The following CAPZB variants were observed in gnomAD, a reference collection of about 807,000 sequenced individuals.
CAPZB encodes the protein capping actin protein of muscle Z-line subunit beta.
A neutral mutation model predicts 38.1 loss-of-function variants in CAPZB; 2 were observed. The ratio of observed to expected loss-of-function variants is 0.05; its 90% CI spans 0.02 to 0.17. CAPZB has a LOEUF of 0.17. Among genes scored for constraint, CAPZB ranks in the 10% least tolerant of loss-of-function variants. The pLI, the probability that CAPZB is intolerant of heterozygous loss-of-function variation, is 1.00. For synonymous variants in CAPZB, 107 were observed against 127.4 expected (o/e 0.84, Z 1.08); for missense variants, 161 against 334.2 (o/e 0.48, Z 4.04).
intron 2 of CAPZB, among the ~76,000 whole-genome samples, chr1:19,397,154 C>A (rs894129747): frequency 6.6e-6 from 1 of 152,130 alleles, no homozygotes; most frequent in African/African-American, 2.4e-5. Context: ...TTTTTGTTCT[C>A]GTCAACATTT....
At chr1:19,394,346 G>T (rs1181649504) in intron 2 of CAPZB, among the ~76,000 whole-genome samples, 3 of 152,212 alleles carry the variant, frequency 2.0e-5, no homozygotes, top group Non-Finnish European at 4.4e-5. Context: ...GCTGTAAGTT[G>T]TAAGATGCAC....
intron 1 of CAPZB, among the ~76,000 whole-genome samples, chr1:19,460,315 C>T (rs759879125): frequency 5.9e-5 from 9 of 152,300 alleles, no homozygotes; most frequent in East Asian, 1.9e-4. Context: ...CTCGCTCTGT[C>T]GCCCAGGCTA....
intron 1 of CAPZB, among the ~76,000 whole-genome samples, chr1:19,437,231 G>T (rs1438986100): frequency 6.6e-6 from 1 of 152,182 alleles, no homozygotes; most frequent in Non-Finnish European, 1.5e-5. Flanking sequence ...CGTAAGCTAG[G>T]AAGGCCTTCC....
intron 6 of CAPZB, among the ~76,000 whole-genome samples, chr1:19,355,990 A>C (rs1229941967): frequency 6.6e-6 from 1 of 152,200 alleles, no homozygotes; most frequent in Non-Finnish European, 1.5e-5. Context: ...AGTTTGCCTT[A>C]GACAGAACCT....
chr1:19,448,496 G>A (rs945995774), intron 1 of CAPZB, among the ~76,000 whole-genome samples: 7 of 152,206 alleles, frequency 4.6e-5, no homozygotes, highest in Non-Finnish European at 5.9e-5. Context: ...TCTCTGAACC[G>A]CAGAAACAAA....
chr1:19,437,442 GTGTT>G (rs1325539678), intron 1 of CAPZB, among the ~76,000 whole-genome samples: 2 of 152,186 alleles, frequency 1.3e-5, no homozygotes, highest in Admixed American at 6.5e-5. Flanking sequence ...TCCCAAATAA[GTGTT>G]TGGGTGGGTT....
At chr1:19,410,204 T>G (rs544373234) in intron 2 of CAPZB, among the ~76,000 whole-genome samples, 24 of 152,288 alleles carry the variant, frequency 1.6e-4, no homozygotes, top group African/African-American at 5.8e-4. Context: ...TTAAATTAAA[T>G]GTACCAAAAT....
chr1:19,353,302 A>AC (rs1157079470), intron 6 of CAPZB, among the ~76,000 whole-genome samples: 1 of 152,086 alleles, frequency 6.6e-6, no homozygotes, highest in Non-Finnish European at 1.5e-5. Context: ...AGCGTGGGTG[A>AC]CCTGGATGAG....
At chr1:19,371,697 C>T (rs948786785) in intron 4 of CAPZB, among the ~76,000 whole-genome samples, 1 of 152,210 alleles carries the variant, frequency 6.6e-6, no homozygotes, top group Non-Finnish European at 1.5e-5. Context: ...GCTGCCCGCT[C>T]ACACTTCTGC....
chr1:19,463,472 C>T (rs1309029816), intron 1 of CAPZB, among the ~76,000 whole-genome samples: 7 of 152,236 alleles, frequency 4.6e-5, no homozygotes, highest in South Asian at 2.1e-4. Context: ...ATTTCCTTTA[C>T]AGTTAAATTT....
intron 1 of CAPZB, among the ~76,000 whole-genome samples, chr1:19,480,610 G>A (rs2094624739): frequency 6.6e-6 from 1 of 152,170 alleles, no homozygotes; most frequent in Admixed American, 6.5e-5. Flanking sequence ...TCTGTCCCCA[G>A]CCCTGTCTCT....
intron 2 of CAPZB, among the ~76,000 whole-genome samples, chr1:19,397,861 T>C (rs913174074): frequency 3.9e-5 from 6 of 152,078 alleles, no homozygotes; most frequent in Admixed American, 2.0e-4. Context: ...GCCACCCGAA[T>C]GCGGGAGGAG....
intron 1 of CAPZB, among the ~76,000 whole-genome samples, chr1:19,471,826 A>C (rs2094589072): frequency 8.1e-6 from 1 of 124,002 alleles, no homozygotes; most frequent in South Asian, 2.6e-4. Context: ...AAATCGCTCC[A>C]CTGCACTCCA....
chr1:19,343,339 C>T (rs1298783069), intron 8 of CAPZB, among the ~76,000 whole-genome samples: 1 of 152,344 alleles, frequency 6.6e-6, no homozygotes. Context: ...ATCTGTCGCC[C>T]ACCCCAGTCC....
intron 1 of CAPZB, among the ~76,000 whole-genome samples, chr1:19,433,813 T>G (rs1447065366): frequency 6.6e-6 from 1 of 152,206 alleles, no homozygotes; most frequent in Non-Finnish European, 1.5e-5. Flanking sequence ...TGACTCAATA[T>G]GGAAGACTCT....
intron 2 of CAPZB, chr1:19,385,863 C>T: frequency 1.6e-6 from 1 of 626,730 alleles, no homozygotes; most frequent in East Asian, 3.3e-5. Flanking sequence ...TACAGTCTTC[C>T]TTCCAAAAAC....
At position 19,357,810 on chromosome 1, in the gene CAPZB, G is replaced by T. The variant is rs2094030016; in HGVS notation, c.330-247C>A. ...TTGGACTCTGCCACCTCCTCTATCT[G>T]TGTGGTCTTTGGCTTACTGAACCTC... is the stretch of plus-strand genomic sequence containing the variant. On this transcript the variant is annotated intron_variant, in intron 4 of 8. Coordinates refer to ENST00000264202, the MANE Select transcript of CAPZB (RefSeq NM_004930.5). The surrounding 1 kb of genome is among the most constrained non-coding windows in gnomAD (Gnocchi z 4.3). 1.3e-5 allele frequency among the ~76,000 whole-genome samples: 2 copies of T among 152,152 alleles called. No homozygotes were observed. Among genetic ancestry groups the T allele is most frequent in the South Asian group, 4.1e-4 (2 of 4,830 alleles).
chr1:19,466,436 A>C (rs2094569454), intron 1 of CAPZB, among the ~76,000 whole-genome samples: 1 of 152,212 alleles, frequency 6.6e-6, no homozygotes, highest in Non-Finnish European at 1.5e-5. Flanking sequence ...GAGCTCATAG[A>C]TCACATGTCT....
intron 2 of CAPZB, among the ~76,000 whole-genome samples, chr1:19,388,828 T>C (rs2094217119): frequency 6.6e-6 from 1 of 152,178 alleles, no homozygotes; most frequent in South Asian, 2.1e-4. Context: ...CCCTTGAAGA[T>C]CTGTGATGGG....
Sources: allele counts gnomAD v4.1 joint callset (sites outside exome capture counted in the v4.1 genomes callset), GRCh38; gene constraint gnomAD v4.1.1; non-coding constraint Gnocchi (gnomAD v3.1); transcripts MANE v1.5; gene names NCBI Gene and HGNC (gene_info 2026-07-23, HGNC 2026-07-21).